The following CLYBL variants were observed in gnomAD, a reference collection of about 807,000 sequenced individuals.
The protein encoded by CLYBL is citramalyl-CoA lyase, mitochondrial.
Under a neutral mutation model 38.9 loss-of-function variants are expected in CLYBL, and 31 were observed. The ratio of observed to expected loss-of-function variants is 0.80; its 90% CI spans 0.60 to 1.08. CLYBL has a LOEUF of 1.08. Among genes scored for constraint, CLYBL ranks in the 50% least tolerant of loss-of-function variants. CLYBL has a pLI of 0.00. For missense variants in CLYBL, 434 were observed against 411.6 expected (o/e 1.05, Z -0.47); for synonymous variants, 171 against 158.6 (o/e 1.08, Z -0.59).
intron 1 of CLYBL, among the ~76,000 whole-genome samples, chr13:99,666,385 G>T (rs548838654): frequency 6.6e-6 from 1 of 152,274 alleles, no homozygotes; most frequent in East Asian, 1.9e-4. Flanking sequence ...GACTCGGTGG[G>T]TGTGCCCCAG....
intron 1 of CLYBL, among the ~76,000 whole-genome samples, chr13:99,689,773 A>G (rs1206827845): frequency 5.8e-5 from 1 of 17,136 alleles, no homozygotes; most frequent in Non-Finnish European, 1.6e-4. Context: ...AACTTTTTCA[A>G]GTATTTTTTT....
chr13:99,633,987 A>T (rs930435552), intron 1 of CLYBL, among the ~76,000 whole-genome samples: 1 of 152,180 alleles, frequency 6.6e-6, no homozygotes, highest in African/African-American at 2.4e-5. Context: ...AATGACCAGA[A>T]ATGTTCCAAA....
chr13:99,845,814 A>AC (rs2051190749), intron 2 of CLYBL, among the ~76,000 whole-genome samples: 1 of 152,096 alleles, frequency 6.6e-6, no homozygotes. Context: ...GCCTTTTTTA[A>AC]AAAATTAAGT....
In CLYBL at chr13:99,776,033, G is replaced by A. The variant is rs183259835; in HGVS notation, c.249+3023G>A. On this transcript the variant is annotated intron_variant, in intron 2 of 8. Transcript: ENST00000339105. ...CAAAAAATTAGCTGGGCGTGGTGGC[G>A]GGCGCCTGCAGTCCCAGCTACTCGG... 6.1e-3 allele frequency among the ~76,000 whole-genome samples: 931 copies of A among 151,684 alleles called. 9 individuals carry two copies. The highest frequency in any genetic ancestry group is 8.9e-3 in the Non-Finnish European group (605 of 67,872).
intron 1 of CLYBL, among the ~76,000 whole-genome samples, chr13:99,656,278 G>A (rs1357157700): frequency 6.6e-6 from 1 of 152,062 alleles, no homozygotes; most frequent in Non-Finnish European, 1.5e-5. Flanking sequence ...AGTAGACCAG[G>A]GTGCAGTTCT....
At chr13:99,872,864 A>G (rs2051942905) in intron 7 of CLYBL, among the ~76,000 whole-genome samples, 1 of 152,200 alleles carries the variant, frequency 6.6e-6, no homozygotes, top group Non-Finnish European at 1.5e-5. Flanking sequence ...TTGTATCTTG[A>G]AAAGCGTTGT....
chr13:99,833,543 T>C (rs2050866625), intron 2 of CLYBL, among the ~76,000 whole-genome samples: 1 of 152,008 alleles, frequency 6.6e-6, no homozygotes, highest in Non-Finnish European at 1.5e-5. Context: ...AAATAAGTCA[T>C]TAGAACTCTG....
chr13:99,877,626 G>A (rs1021401031), intron 7 of CLYBL: 150 of 334,006 alleles, frequency 4.5e-4, no homozygotes, highest in African/African-American at 3.4e-3. Context: ...AGCCAGGCTG[G>A]AGTGCAATGG....
intron 2 of CLYBL, among the ~76,000 whole-genome samples, chr13:99,852,282 A>G (rs998323926): frequency 1.1e-3 from 161 of 152,262 alleles, no homozygotes; most frequent in Non-Finnish European, 1.6e-3. Flanking sequence ...TTTGTCATCC[A>G]GCCTAGAATG....
rs149750998 is a variant in CLYBL at position 99,879,988 on chromosome 13, T to G, written c.927+8926T>G. ...AGTGGTGTGGCCACAGTAGTGACAG[T>G]GCTGGTAGCATAACTGCTTCCATTT... On this transcript the variant is annotated intron_variant, in intron 7 of 8. Transcript: ENST00000339105. 1.9e-3 allele frequency among the ~76,000 whole-genome samples: 294 copies of G among 151,142 alleles called. 1 individual carries two copies. The highest frequency in any genetic ancestry group is 3.2e-3 in the Admixed American group (49 of 15,122).
chr13:99,711,217 T>TA (rs1332905004), intron 1 of CLYBL, among the ~76,000 whole-genome samples: 1 of 151,992 alleles, frequency 6.6e-6, no homozygotes, highest in African/African-American at 2.4e-5. Flanking sequence ...TATAACAAAA[T>TA]ACCATAAACT....
At chr13:99,701,242 T>C (rs1199948524) in intron 1 of CLYBL, among the ~76,000 whole-genome samples, 2 of 152,232 alleles carry the variant, frequency 1.3e-5, no homozygotes, top group African/African-American at 4.8e-5. Context: ...CAGGAAATGT[T>C]ACCTCTTTAT....
intron 7 of CLYBL, among the ~76,000 whole-genome samples, chr13:99,889,471 C>T (rs1287857019): frequency 6.6e-6 from 1 of 152,148 alleles, no homozygotes; most frequent in Non-Finnish European, 1.5e-5. Flanking sequence ...TCCTCCTGGT[C>T]ACAGAGGTGA....
At chr13:99,878,782 A>G (rs2139289571) in intron 7 of CLYBL, among the ~76,000 whole-genome samples, 1 of 152,366 alleles carries the variant, frequency 6.6e-6, no homozygotes, top group South Asian at 2.1e-4. Context: ...TCTACATAGC[A>G]TACTTGGCTT....
chr13:99,705,887 A>T (rs926525481), intron 1 of CLYBL, among the ~76,000 whole-genome samples: 2 of 151,976 alleles, frequency 1.3e-5, no homozygotes, highest in Non-Finnish European at 2.9e-5. Context: ...AATGGTTCAA[A>T]TGCTAAATTG....
chr13:99,616,143 CTTTTT>C (rs34142988), intron 1 of CLYBL, among the ~76,000 whole-genome samples: 2 of 83,840 alleles, frequency 2.4e-5, no homozygotes, highest in Non-Finnish European at 4.3e-5. Flanking sequence ...CCACGCCTGG[CTTTTT>C]TTTTTTTTTT....
intron 1 of CLYBL, chr13:99,690,659 C>G (rs776318302): frequency 1.3e-5 from 2 of 152,156 alleles, no homozygotes; most frequent in Non-Finnish European, 2.9e-5. Flanking sequence ...GACAGACCTT[C>G]CTGTCATTTA....
intron 2 of CLYBL, among the ~76,000 whole-genome samples, chr13:99,829,898 A>G (rs72653974): frequency 0.061 from 9,284 of 152,278 alleles, 307 homozygotes; most frequent in East Asian, 0.16. Context: ...CTCAGGAAAT[A>G]TTGTTGAATA....
chr13:99,700,897 C>A (rs973900239), intron 1 of CLYBL, among the ~76,000 whole-genome samples: 4 of 152,200 alleles, frequency 2.6e-5, no homozygotes, highest in Non-Finnish European at 5.9e-5. Flanking sequence ...ATTTAGTATT[C>A]ATTACGGAAA....
Sources: gnomAD v4.1 joint callset for allele counts (sites outside exome capture counted in the v4.1 genomes callset) on GRCh38, gnomAD v4.1.1 for gene constraint, MANE v1.5 for transcripts, NCBI Gene and HGNC (gene_info 2026-07-23, HGNC 2026-07-21) for gene names.